THSD7A: variants seen among roughly 807,000 people sequenced by gnomAD.
THSD7A encodes the protein thrombospondin type 1 domain containing 7A, also known as thrombospondin type-1 domain-containing protein 7A.
Under a neutral mutation model 231.3 loss-of-function variants are expected in THSD7A, and 96 were observed. That is an observed-to-expected ratio of 0.41 (90% CI 0.35 to 0.49). The LOEUF (loss-of-function observed/expected upper bound fraction) is 0.49. Among genes scored for constraint, THSD7A ranks in the 20% least tolerant of loss-of-function variants. The pLI is 0.05. For missense variants in THSD7A, 2,290 were observed against 2,070.2 expected (o/e 1.11, Z -2.06); for synonymous variants, 940 against 743.3 (o/e 1.26, Z -4.30).
At chr7:11,766,819 G>T (rs1474279813) in intron 1 of THSD7A, among the ~76,000 whole-genome samples, 1 of 152,088 alleles carries the variant, frequency 6.6e-6, no homozygotes, top group Non-Finnish European at 1.5e-5. Context: ...GTGGGGTTTG[G>T]TTTACACAGG....
At chr7:11,673,097 ATAGT>A (rs1039579188) in intron 1 of THSD7A, among the ~76,000 whole-genome samples, 3 of 152,168 alleles carry the variant, frequency 2.0e-5, no homozygotes, top group South Asian at 2.1e-4. Flanking sequence ...CAGAGGATTA[ATAGT>A]TAGGTGACAC....
At chr7:11,760,726 T>G (rs1029134324) in intron 1 of THSD7A, among the ~76,000 whole-genome samples, 1 of 152,058 alleles carries the variant, frequency 6.6e-6, no homozygotes, top group African/African-American at 2.4e-5. Context: ...ATGTTAATAA[T>G]ATCAGCAAAC....
chr7:11,598,419 C>T (rs1780442061), intron 2 of THSD7A, among the ~76,000 whole-genome samples: 4 of 152,162 alleles, frequency 2.6e-5, no homozygotes, highest in Admixed American at 2.0e-4. Context: ...GCCTCTTTCC[C>T]CAGCCACCCC....
intron 1 of THSD7A, among the ~76,000 whole-genome samples, chr7:11,746,462 C>T (rs1282236717): frequency 1.3e-5 from 2 of 151,960 alleles, no homozygotes; most frequent in South Asian, 4.1e-4. Flanking sequence ...TTAGGATAAT[C>T]TAAAAACTGT....
chr7:11,719,158 A>AATC (rs1781254846), intron 1 of THSD7A, among the ~76,000 whole-genome samples: 1 of 151,630 alleles, frequency 6.6e-6, no homozygotes, highest in Admixed American at 6.6e-5. Flanking sequence ...TTACCTATTT[A>AATC]AAACATAGAT....
intron 7 of THSD7A, among the ~76,000 whole-genome samples, chr7:11,475,501 A>G (rs988543895): frequency 9.9e-5 from 15 of 151,582 alleles, no homozygotes; most frequent in African/African-American, 3.4e-4. Flanking sequence ...TTCAAGGTCA[A>G]TAGTGGGAGA....
chr7:11,733,667 A>T (rs1310035402), intron 1 of THSD7A, among the ~76,000 whole-genome samples: 2 of 151,826 alleles, frequency 1.3e-5, no homozygotes, highest in Non-Finnish European at 2.9e-5. Context: ...TTACTAAATC[A>T]GTGCTGAGAG....
chr7:11,567,180 T>C (rs952875108), intron 4 of THSD7A, among the ~76,000 whole-genome samples: 4 of 152,106 alleles, frequency 2.6e-5, no homozygotes, highest in Non-Finnish European at 4.4e-5. Flanking sequence ...GGAAGAGGTT[T>C]AATTGACTCA....
Position 11,814,439 on chromosome 7 carries a change from T to C in THSD7A, c.190+17318A>G, listed in dbSNP as rs1400762011. Among the ~76,000 whole-genome samples the C allele has an allele frequency of 6.6e-6, 1 of 152,154 alleles. No individual in the cohort carries two copies. The highest frequency in any genetic ancestry group is 1.5e-5 in the Non-Finnish European group (1 of 68,030). On this transcript the variant is annotated intron_variant, in intron 1 of 27. Transcript: ENST00000423059. This position sits in a 1 kb window ranked among gnomAD's most constrained non-coding sequence, Gnocchi z 5.1. ...TTTTCATAAAATACTCAAAATAATT[T>C]AGCTTTTAGACGATGCTATCAGGGT...
intron 6 of THSD7A, among the ~76,000 whole-genome samples, chr7:11,532,336 T>C (rs1788742296): frequency 6.6e-6 from 1 of 152,188 alleles, no homozygotes; most frequent in Non-Finnish European, 1.5e-5. Context: ...TAATTTGTTA[T>C]GTAGTATACG....
intron 1 of THSD7A, among the ~76,000 whole-genome samples, chr7:11,712,322 A>G (rs1005048134): frequency 6.6e-6 from 1 of 151,044 alleles, no homozygotes. Flanking sequence ...ATTATTCACC[A>G]TTGGTTTGAG....
chr7:11,462,802 C>T (rs189865570), intron 9 of THSD7A, among the ~76,000 whole-genome samples: 72 of 152,140 alleles, frequency 4.7e-4, no homozygotes, highest in African/African-American at 1.7e-3. Context: ...AAATAAGTAA[C>T]TCTAAAGTAT....
intron 5 of THSD7A, 28 bp downstream of exon 5, chr7:11,542,934 A>C: frequency 6.2e-7 from 1 of 1,608,080 alleles, no homozygotes; most frequent in South Asian, 1.1e-5. Flanking sequence ...GGTGGGTATA[A>C]AAGGCATGTC....
intron 23 of THSD7A, 41 bp downstream of exon 23, chr7:11,401,753 AT>A (rs746375002): frequency 6.6e-7 from 1 of 1,518,358 alleles, no homozygotes; most frequent in Non-Finnish European, 8.8e-7. Flanking sequence ...TTTTAATCTT[AT>A]GCTTTTGCTT....
At chr7:11,760,439 TG>T (rs1459464396) in intron 1 of THSD7A, among the ~76,000 whole-genome samples, 1 of 152,068 alleles carries the variant, frequency 6.6e-6, no homozygotes, top group African/African-American at 2.4e-5. Context: ...TAAGAATGGC[TG>T]TTCCTCATTA....
intron 4 of THSD7A, among the ~76,000 whole-genome samples, chr7:11,571,933 G>C (rs1790651788): frequency 6.6e-6 from 1 of 151,560 alleles, no homozygotes; most frequent in Admixed American, 6.6e-5. Context: ...GGATCTTTAA[G>C]TTGATGTTTT....
Position 11,593,483 on chromosome 7 carries a change from G to T in THSD7A, c.1042C>A (p.Leu348Ile), listed in dbSNP as rs750276433. 6.2e-6 allele frequency: 10 copies of T among 1,613,738 alleles called. No homozygotes were observed. The highest frequency in any genetic ancestry group is 7.6e-6 in the Non-Finnish European group (9 of 1,179,790). ...ACACAGGACTGGAAGGTCATTGGAA[G>T]CTTCTCTTGCTGGCAAAAGCTGTAA... The part of the protein sequence containing the change: ...ADLSFCQQEK[L>I]PMTFQSCVIT... Residue 348 changes from leucine to isoleucine, a missense_variant, in exon 3 of 28, where the codon CTT (leucine) becomes ATT (isoleucine). Transcript: ENST00000423059.
At chr7:11,782,693 T>TA (rs1783671458) in intron 1 of THSD7A, among the ~76,000 whole-genome samples, 1 of 152,116 alleles carries the variant, frequency 6.6e-6, no homozygotes, top group Non-Finnish European at 1.5e-5. Context: ...TAAAACCAAT[T>TA]ACATTGGTTA....
At chr7:11,478,107 C>T (rs1471321526) in intron 7 of THSD7A, among the ~76,000 whole-genome samples, 1 of 152,076 alleles carries the variant, frequency 6.6e-6, no homozygotes, top group Non-Finnish European at 1.5e-5. Flanking sequence ...CTTATTTTGT[C>T]AATTCCCTCT....
Sources: allele counts gnomAD v4.1 joint callset (sites outside exome capture counted in the v4.1 genomes callset), GRCh38; gene constraint gnomAD v4.1.1; non-coding constraint Gnocchi (gnomAD v3.1); transcripts MANE v1.5; gene names NCBI Gene and HGNC (gene_info 2026-07-23, HGNC 2026-07-21).